The following VAMP2 variants were observed in gnomAD, a reference collection of about 807,000 sequenced individuals.
The protein encoded by VAMP2 is vesicle associated membrane protein 2, also known as vesicle-associated membrane protein 2.
For synonymous variants in VAMP2, 67 were observed against 57.3 expected (o/e 1.17, Z -0.76); for missense variants, 95 against 151.3 (o/e 0.63, Z 1.95).
At chr17:8,162,458 C>T (rs1305877880) in intron 1 of VAMP2, 89 bp from the exon 2 acceptor site, 1 of 1,563,344 alleles carries the variant, frequency 6.4e-7, no homozygotes, top group Non-Finnish European at 8.7e-7. Flanking sequence ...CCATCCTCGT[C>T]CCTCCAGTCC....
chr17:8,160,390 T>TTTTTTTTTTTTTG lies in VAMP2; in HGVS notation c.*464_*465insCAAAAAAAAAAAA. On this transcript the variant is annotated 3_prime_UTR_variant, in exon 5 of 5. Transcript: ENST00000316509. Reference sequence around the variant, plus strand: ...TGGACAGGTGCTGTTGTTTTTTTTTTTTTTTTTTTTTTTTTGAGGGCGGGG... The same window carrying TTTTTTTTTTTTTG: ...TGGACAGGTGCTGTTGTTTTTTTTTTTTTTTTTTTTTTGTTTTTTTTTTTTTTTGAGGGCGGGG... The TTTTTTTTTTTTTG allele has an allele frequency of 1.6e-5, 2 of 128,382 alleles. No homozygotes were observed. The highest frequency in any genetic ancestry group is 2.9e-4 in the South Asian group (1 of 3,436). 8.0% of individuals were successfully genotyped at this position (128,382 alleles called of 1,614,324 possible). A position where few individuals can be genotyped will look rare whatever the true frequency, so the allele number is the denominator to read the frequency against.
At position 8,160,891 on chromosome 17, in the gene VAMP2, A is replaced by T. The variant is rs911199304; in HGVS notation, c.335-20T>A. The T allele has an allele frequency of 2.5e-6, 4 of 1,600,982 alleles. No homozygotes were observed. The highest frequency in any genetic ancestry group is 1.7e-5 in the Admixed American group (1 of 59,762). On this transcript the variant is annotated intron_variant, in intron 4 of 4. Coordinates refer to ENST00000316509, the MANE Select transcript of VAMP2 (RefSeq NM_014232.3). ...AGTAAACTGTGGAGAGAGGGGAAGA[A>T]GATGAGGAAGAGGGAGAGGGGAGAG...
chr17:8,159,448 T>C lies in VAMP2; in HGVS notation c.*1407A>G, dbSNP rs866350296. Reference sequence around the variant, plus strand: ...AAAATTGTGCCATTTAAAAAGACAATAGACCCTTCCTCAATCAGTTCACCC... The same window carrying C: ...AAAATTGTGCCATTTAAAAAGACAACAGACCCTTCCTCAATCAGTTCACCC... On this transcript the variant is annotated 3_prime_UTR_variant, in exon 5 of 5. Transcript: ENST00000316509. 72 of 152,600 alleles carry C rather than the reference T, an allele frequency of 4.7e-4. No homozygotes were observed. The highest frequency in any genetic ancestry group is 1.7e-3 in the African/African-American group (69 of 41,500). The allele number at this position is 152,600 out of a possible 1,614,324, so 9.5% of individuals were successfully genotyped here.
At chr17:8,162,580 G>A in intron 1 of VAMP2, 1 of 1,450,064 alleles carries the variant, frequency 6.9e-7, no homozygotes, top group Non-Finnish European at 9.1e-7. Context: ...TTCCCCGCCT[G>A]TCAACTGAGG....
At position 8,161,506 on chromosome 17, in the gene VAMP2, C is replaced by T. The variant is rs1449533972; in HGVS notation, c.301G>A (p.Val101Met). ...KNLKMMIILG[V>M]ICAIILIIII... ...ATGATGAGGATGATGGCGCAAATCA[C>T]TCCCAAGATGATCATCATCTGGGGG... The change falls in exon 4 of 5, where the codon GTG becomes ATG. Residue 101 changes from valine to methionine, a missense_variant. Val to Met is a conservative substitution (Grantham distance 21). Coordinates refer to ENST00000316509, the MANE Select transcript of VAMP2 (RefSeq NM_014232.3). 6.2e-7 allele frequency: 1 copy of T among 1,614,176 alleles called. No individual in the cohort carries two copies. The highest frequency in any genetic ancestry group is 8.5e-7 in the Non-Finnish European group (1 of 1,180,018).
intron 2 of VAMP2, among the ~76,000 whole-genome samples, chr17:8,162,039 G>T (rs777143393): frequency 3.9e-5 from 6 of 152,142 alleles, no homozygotes; most frequent in Non-Finnish European, 5.9e-5. Context: ...CACCTGCCCA[G>T]GCTGGCACAC....
chr17:8,161,176 T>C lies in VAMP2; in HGVS notation c.334+297A>G. ...GGTCATGTCTCAAGCCCCTGGTCCT[T>C]TCCTTTCTCCCACTCCTCAATTCCA... On this transcript the variant is annotated intron_variant, in intron 4 of 4. Transcript: ENST00000316509. 3 of 567,774 alleles carry C rather than the reference T, an allele frequency of 5.3e-6. No individual in the cohort carries two copies. In the South Asian group the frequency reaches 6.7e-5, roughly 13 times the overall value. The allele number at this position is 567,774 out of a possible 1,614,324, so 35.2% of individuals were successfully genotyped here. A position where few individuals can be genotyped will look rare whatever the true frequency, so the allele number is the denominator to read the frequency against.
intron 4 of VAMP2, 88 bp from the exon 5 acceptor site, chr17:8,160,959 C>T: frequency 4.2e-6 from 5 of 1,181,890 alleles, no homozygotes; most frequent in Non-Finnish European, 6.2e-6. Context: ...CCTGGCCCTG[C>T]TCCAATCCTC....
Position 8,161,698 on chromosome 17 carries a change from G to A in VAMP2, c.192C>T (p.Asp64=), listed in dbSNP as rs750996677. The A allele has an allele frequency of 1.2e-5, 19 of 1,614,056 alleles. No individual in the cohort carries two copies. The East Asian group carries it at 1.3e-4, about 11-fold the overall frequency. The part of the protein sequence containing the change: ...LERDQKLSEL[D]DRADALQAGA... Reference sequence around the variant, plus strand: ...CCGCCTGGAGTGCATCTGCACGGTCGTCCAGCTCCGACAGCTTCTGGTCTC... The same window carrying A: ...CCGCCTGGAGTGCATCTGCACGGTCATCCAGCTCCGACAGCTTCTGGTCTC... Residue 64 remains aspartate, a synonymous_variant, in exon 3 of 5, where the codon GAC becomes GAT. Coordinates refer to ENST00000316509, the MANE Select transcript of VAMP2 (RefSeq NM_014232.3).
Position 8,161,743 on chromosome 17 carries a change from G to C in VAMP2, c.147C>G (p.Asn49Lys), listed in dbSNP as rs376454310. Reference sequence around the variant, plus strand: ...GGTCTCGCTCCAGGACCTTGTCCACGTTCACCCTCATGATGTCCACCACCT... The same window carrying C: ...GGTCTCGCTCCAGGACCTTGTCCACCTTCACCCTCATGATGTCCACCACCT... ...VDEVVDIMRV[N>K]VDKVLERDQK... The change falls in exon 3 of 5, where the codon AAC (asparagine) becomes AAG (lysine). Residue 49 changes from asparagine (N) to lysine (K), a missense_variant. Transcript: ENST00000316509. 6.2e-7 allele frequency: 1 copy of C among 1,614,000 alleles called. No homozygotes were observed. Among genetic ancestry groups the C allele is most frequent in the Non-Finnish European group, 8.5e-7 (1 of 1,179,892 alleles).
In VAMP2 at chr17:8,160,421, G is replaced by A. The variant is rs2151864978; in HGVS notation, c.*434C>T. On this transcript the variant is annotated 3_prime_UTR_variant, in exon 5 of 5. Transcript: ENST00000316509. Reference sequence around the variant, plus strand: ...TTTTTTTTTTGAGGGCGGGGCAGAGGGAGCATGACGGGGAGAGTGAGGAGG... The same window carrying A: ...TTTTTTTTTTGAGGGCGGGGCAGAGAGAGCATGACGGGGAGAGTGAGGAGG... 1 of 128,090 alleles carries A rather than the reference G, an allele frequency of 7.8e-6. No individual in the cohort carries two copies. The highest frequency in any genetic ancestry group is 2.9e-5 in the African/African-American group (1 of 34,714). The allele number at this position is 128,090 out of a possible 1,614,324, so 7.9% of individuals were successfully genotyped here. A position where few individuals can be genotyped will look rare whatever the true frequency, so the allele number is the denominator to read the frequency against.
Position 8,161,600 on chromosome 17 carries a change from A to C in VAMP2, c.282+8T>G. The C allele has an allele frequency of 1.2e-6, 2 of 1,613,722 alleles. No homozygotes were observed. The highest frequency in any genetic ancestry group is 2.2e-5 in the East Asian group (1 of 44,868). On this transcript the variant is annotated splice_region_variant and intron_variant, in intron 3 of 4. Transcript: ENST00000316509. ...CCCACCTGTCCTCCTTCCTGTCCCC[A>C]CCCTTACCTTGAGGTTTTTCCACCA... is the stretch of plus-strand genomic sequence containing the variant.
intron 1 of VAMP2, 198 bp downstream of exon 1, chr17:8,162,680 C>T: frequency 2.2e-6 from 3 of 1,343,232 alleles, no homozygotes; most frequent in Non-Finnish European, 1.9e-6. Context: ...ACTGGGTCCG[C>T]TCCTTCCCGC....
At position 8,159,434 on chromosome 17, in the gene VAMP2, AT is replaced by A. The variant is rs1567542902; in HGVS notation, c.*1420del. 2 of 152,574 alleles carry A rather than the reference AT, an allele frequency of 1.3e-5. No individual in the cohort carries two copies. Among genetic ancestry groups the A allele is most frequent in the African/African-American group, 2.4e-5 (1 of 41,406 alleles). The allele number at this position is 152,574 out of a possible 1,614,324, so 9.5% of individuals were successfully genotyped here. A position where few individuals can be genotyped will look rare whatever the true frequency, so the allele number is the denominator to read the frequency against. ...ACCCTCAAACCCTTAAAATTGTGCC[AT>A]TTAAAAAGACAATAGACCCTTCCTC... is the stretch of plus-strand genomic sequence containing the variant. On this transcript the variant is annotated 3_prime_UTR_variant, in exon 5 of 5. Coordinates refer to ENST00000316509, the MANE Select transcript of VAMP2 (RefSeq NM_014232.3).
In VAMP2 at chr17:8,160,395, T is replaced by TTTTG. The variant is rs1983269048; in HGVS notation, c.*459_*460insCAAA. 7.6e-6 allele frequency: 1 copy of TTTTG among 131,658 alleles called. No individual in the cohort carries two copies. The highest frequency in any genetic ancestry group is 8.0e-5 in the Admixed American group (1 of 12,536). The allele number at this position is 131,658 out of a possible 1,614,324, so 8.2% of individuals were successfully genotyped here. On this transcript the variant is annotated 3_prime_UTR_variant, in exon 5 of 5. Transcript: ENST00000316509. ...AGGTGCTGTTGTTTTTTTTTTTTTTTTTTTTTTTTTGAGGGCGGGGCAGAG... is the reference window on the plus strand; with the variant it reads ...AGGTGCTGTTGTTTTTTTTTTTTTTTTTTGTTTTTTTTTTGAGGGCGGGGCAGAG...
intron 4 of VAMP2, 70 bp downstream of exon 4, chr17:8,161,403 C>T (rs946366969): frequency 2.3e-5 from 36 of 1,583,792 alleles, no homozygotes; most frequent in Non-Finnish European, 3.0e-5. Context: ...GATTAATGAC[C>T]TTCAAAACCT....
intron 2 of VAMP2, among the ~76,000 whole-genome samples, chr17:8,162,019 C>T (rs1983327941): frequency 6.6e-6 from 1 of 152,192 alleles, no homozygotes; most frequent in Non-Finnish European, 1.5e-5. Context: ...CTCTGTCCAT[C>T]ACCAGAGCAC....
rs1310478068 is a variant in VAMP2 at position 8,160,061 on chromosome 17, A to C, written c.*794T>G. 3 of 152,240 alleles carry C rather than the reference A, an allele frequency of 2.0e-5. No homozygotes were observed. The highest frequency in any genetic ancestry group is 1.3e-4 in the Admixed American group (2 of 15,278). 9.4% of individuals were successfully genotyped at this position (152,240 alleles called of 1,614,324 possible). On this transcript the variant is annotated 3_prime_UTR_variant, in exon 5 of 5. Transcript: ENST00000316509. ...AAACTGGACTAGAGGGGCTAGGAGGAGGCAATGCTGGGGACCAGAGCAGCC... is the reference window on the plus strand; with the variant it reads ...AAACTGGACTAGAGGGGCTAGGAGGCGGCAATGCTGGGGACCAGAGCAGCC...
At chr17:8,162,426 A>G (rs771305520) in intron 1 of VAMP2, 57 bp from the exon 2 acceptor site, 1 of 1,593,764 alleles carries the variant, frequency 6.3e-7, no homozygotes, top group South Asian at 1.1e-5. Flanking sequence ...CCCCGCAGCC[A>G]GGGCTCCGCC....
Sources: allele counts gnomAD v4.1 joint callset (sites outside exome capture counted in the v4.1 genomes callset), GRCh38; gene constraint gnomAD v4.1.1; transcripts MANE v1.5; gene names NCBI Gene and HGNC (gene_info 2026-07-23, HGNC 2026-07-21).